Variants in CYP21A2 observed in about 807,000 individuals in gnomAD.
The protein encoded by CYP21A2 is cytochrome P450 family 21 subfamily A member 2.
A neutral mutation model predicts 47.4 loss-of-function variants in CYP21A2; 24 were observed. The observed-to-expected ratio is 0.51, with a 90% CI of 0.37 to 0.71. The LOEUF is 0.71. CYP21A2 is among the 30% of genes least tolerant of loss of function. The probability of loss-of-function intolerance (pLI) is 0.00; values close to 1 mark genes in which losing one functional copy is unlikely to be tolerated. For missense variants in CYP21A2, 358 were observed against 643.2 expected, an observed-to-expected ratio of 0.56 and a Z score of 4.80; for synonymous variants, 130 against 273.9, an observed-to-expected ratio of 0.47 and a Z score of 5.19.
rs369962334 is a variant in CYP21A2, at chr6:32,039,484, C to T, written c.549+27C>T. ...TGCCTCACAGCCCCTCAGGCCCACCCCCAGCCCCTCCCTGAGCCTCTCCTT... is the reference window on the plus strand; with the variant it reads ...TGCCTCACAGCCCCTCAGGCCCACCTCCAGCCCCTCCCTGAGCCTCTCCTT... On this transcript the variant is annotated intron_variant, in intron 4 of 9. Transcript: ENST00000644719. 2.8e-4 allele frequency: 444 copies of T among 1,574,486 alleles called. 1 individual carries two copies. In the African/African-American group the frequency reaches 5.3e-3, roughly 19 times the overall value.
At position 32,041,279 on chromosome 6, in the gene CYP21A2, G is replaced by A. The variant is rs1776356403; in HGVS notation, c.*145G>A. 1 of 766,170 alleles carries A rather than the reference G, an allele frequency of 1.3e-6. No individual in the cohort carries two copies. The highest frequency in any genetic ancestry group is 2.3e-6 in the Non-Finnish European group (1 of 436,018). 47.5% of individuals were successfully genotyped at this position (766,170 alleles called of 1,614,324 possible). A position where few individuals can be genotyped will look rare whatever the true frequency, so the allele number is the denominator to read the frequency against. ...CAGCGGCTGGGTGGTGAAGGACCCT[G>A]GCTCTTCTCTCGGGGCGACCCCTCA... On this transcript the variant is annotated 3_prime_UTR_variant, in exon 10 of 10. Transcript: ENST00000644719.
chr6:32,041,362 G>A lies in CYP21A2; in HGVS notation c.*228G>A, dbSNP rs202247763. 30 of 980,892 alleles carry A rather than the reference G, an allele frequency of 3.1e-5. No individual in the cohort carries two copies. Among genetic ancestry groups the A allele is most frequent in the East Asian group, 2.1e-4 (8 of 38,454 alleles). 60.8% of individuals were successfully genotyped at this position (980,892 alleles called of 1,614,324 possible). On this transcript the variant is annotated 3_prime_UTR_variant, in exon 10 of 10. Coordinates refer to ENST00000644719, the MANE Select transcript of CYP21A2 (RefSeq NM_000500.9). ...GTGGGCAGCAGCTCAGCCTCCCCCC[G>A]CTGGGGAGCGAAAGTTTCTTGGTCT... is the stretch of plus-strand genomic sequence containing the variant.
rs1181537610 is a variant in CYP21A2 at position 32,041,131 on chromosome 6, G to C, written c.1485G>C (p.Gln495His). The C allele has an allele frequency of 6.3e-7, 1 of 1,598,642 alleles. No homozygotes were observed. The highest frequency in any genetic ancestry group is 8.5e-7 in the Non-Finnish European group (1 of 1,173,696). The change falls in exon 10 of 10, where the codon CAG becomes CAC. Residue 495 changes from glutamine (Q) to histidine (H), a missense_variant. Gln to His is a conservative substitution (Grantham distance 24). Coordinates refer to ENST00000644719, the MANE Select transcript of CYP21A2 (RefSeq NM_000500.9). Reference sequence around the variant, plus strand: ...GGGCCCACAGCCCGGGCCAGAGCCAGTGATGGGGCAGGACCGATGCCAGCC... The same window carrying C: ...GGGCCCACAGCCCGGGCCAGAGCCACTGATGGGGCAGGACCGATGCCAGCC... Reference protein sequence around the residue: ...GMGAHSPGQSQ With the variant: ...GMGAHSPGQSH
chr6:32,038,949 T>G (rs1238103045), intron 2 of CYP21A2, 138 bp downstream of exon 2: 25 of 1,496,560 alleles, frequency 1.7e-5, no homozygotes, highest in Non-Finnish European at 2.0e-5. Context: ...GAGCCACCTT[T>G]GGGGCATCCC....
rs150804717 is a variant in CYP21A2 at position 32,040,439 on chromosome 6, G to A, written c.973G>A (p.Glu325Lys). 9.3e-6 allele frequency: 15 copies of A among 1,613,022 alleles called. No homozygotes were observed. Among genetic ancestry groups the A allele is most frequent in the East Asian group, 2.2e-5 (1 of 44,884 alleles). The change falls in exon 8 of 10, where the codon GAA (glutamate) becomes AAA (lysine). Residue 325 changes from glutamate (E) to lysine (K), a missense_variant. By Grantham distance (56) the Glu-to-Lys change is moderately conservative. Coordinates refer to ENST00000644719, the MANE Select transcript of CYP21A2 (RefSeq NM_000500.9). ...GCGACTGCAGGAGGAGCTAGACCACGAACTGGGCCCTGGTGCCTCCAGCTC... is the reference window on the plus strand; with the variant it reads ...GCGACTGCAGGAGGAGCTAGACCACAAACTGGGCCCTGGTGCCTCCAGCTC... ...QQRLQEELDHELGPGASSSRV... is the reference protein window; with the variant it reads ...QQRLQEELDHKLGPGASSSRV...
chr6:32,038,498 C>T lies in CYP21A2; in HGVS notation c.76C>T (p.Arg26Trp), dbSNP rs749346869. 2.9e-5 allele frequency: 46 copies of T among 1,597,186 alleles called. No homozygotes were observed. The highest frequency in any genetic ancestry group is 1.7e-4 in the Middle Eastern group (1 of 5,994). Residue 26 changes from arginine (R) to tryptophan (W), a missense_variant, in exon 1 of 10, where the codon CGG (arginine) becomes TGG (tryptophan). Coordinates refer to ENST00000644719, the MANE Select transcript of CYP21A2 (RefSeq NM_000500.9). ...CCTGCTGTGGAACTGGTGGAAGCTCCGGAGCCTCCACCTCCCGCCTCTTGC... is the reference window on the plus strand; with the variant it reads ...CCTGCTGTGGAACTGGTGGAAGCTCTGGAGCCTCCACCTCCCGCCTCTTGC... Reference protein sequence around the residue: ...ARLLWNWWKLRSLHLPPLAPG... With the variant: ...ARLLWNWWKLWSLHLPPLAPG...
chr6:32,040,443 T>G lies in CYP21A2; in HGVS notation c.977T>G (p.Leu326Arg). 1 of 1,613,138 alleles carries G rather than the reference T, an allele frequency of 6.2e-7. No individual in the cohort carries two copies. The highest frequency in any genetic ancestry group is 8.5e-7 in the Non-Finnish European group (1 of 1,179,802). ...CTGCAGGAGGAGCTAGACCACGAAC[T>G]GGGCCCTGGTGCCTCCAGCTCCCGG... ...QRLQEELDHE[L>R]GPGASSSRVP... The change falls in exon 8 of 10, where the codon CTG becomes CGG. Residue 326 changes from leucine to arginine, a missense_variant. Coordinates refer to ENST00000644719, the MANE Select transcript of CYP21A2 (RefSeq NM_000500.9).
Position 32,040,406 on chromosome 6 carries a change from A to C in CYP21A2, c.940A>C (p.Ile314Leu), listed in dbSNP as rs376415981. 10 of 1,612,920 alleles carry C rather than the reference A, an allele frequency of 6.2e-6. No individual in the cohort carries two copies. The highest frequency in any genetic ancestry group is 8.5e-6 in the Non-Finnish European group (10 of 1,179,804). Residue 314 changes from isoleucine (I) to leucine (L), a missense_variant and splice_region_variant, in exon 8 of 10, where the codon ATT becomes CTT. Transcript: ENST00000644719. ...AGGACTCCACCCGATCATTCCCCAG[A>C]TTCAGCAGCGACTGCAGGAGGAGCT... is the stretch of plus-strand genomic sequence containing the variant. ...AVVFLLHHPE[I>L]QQRLQEELDH...
At position 32,040,017 on chromosome 6, in the gene CYP21A2, G is replaced by A. The variant is rs1312971472; in HGVS notation, c.751G>A (p.Ala251Thr). 1 of 1,611,452 alleles carries A rather than the reference G, an allele frequency of 6.2e-7. No homozygotes were observed. The highest frequency in any genetic ancestry group is 8.5e-7 in the Non-Finnish European group (1 of 1,179,134). Residue 251 changes from alanine to threonine, a missense_variant, in exon 7 of 10, where the codon GCA becomes ACA. Ala to Thr is a moderately conservative substitution (Grantham distance 58). Transcript: ENST00000644719. ...QLRQHKESLV[A>T]GQWRDMMDYM... is the part of the protein sequence containing the mutation. ...TCACCCTCTGCAGGAGAGCCTCGTG[G>A]CAGGCCAGTGGAGGGACATGATGGA...
intron 2 of CYP21A2, 129 bp from the exon 3 acceptor site, chr6:32,038,965 C>CAGGT (rs1280816549): frequency 2.0e-6 from 3 of 1,526,118 alleles, no homozygotes; most frequent in Non-Finnish European, 2.7e-6. Flanking sequence ...ATCCCCAATC[C>CAGGT]AGGTCCCTGG....
In CYP21A2 at chr6:32,041,425, C is replaced by T; in HGVS notation, c.*291C>T. On this transcript the variant is annotated 3_prime_UTR_variant, in exon 10 of 10. Coordinates refer to ENST00000644719, the MANE Select transcript of CYP21A2 (RefSeq NM_000500.9). ...CGTGAAGGGCACCGAGAACTCGAAG[C>T]CCTTCCAGTGGTACCAGCTCACTCC... 1.0e-6 allele frequency: 1 copy of T among 965,834 alleles called. No homozygotes were observed. Among genetic ancestry groups the T allele is most frequent in the Non-Finnish European group, 1.6e-6 (1 of 615,598 alleles). 59.8% of individuals were successfully genotyped at this position (965,834 alleles called of 1,614,324 possible).
At position 32,039,213 on chromosome 6, in the gene CYP21A2, C is replaced by G; in HGVS notation, c.412C>G (p.Pro138Ala). Residue 138 changes from proline to alanine, a missense_variant, in exon 3 of 10, where the codon CCA becomes GCA. Transcript: ENST00000644719. ...LLLGIRDSME[P>A]VVEQLTQEFC... The stretch of plus-strand genomic sequence containing the variant: ...GCTGGGCATCCGTGACTCCATGGAG[C>G]CAGTGGTGGAGCAGCTGACCCAGGA... 1 of 1,590,524 alleles carries G rather than the reference C, an allele frequency of 6.3e-7. No homozygotes were observed. Among genetic ancestry groups the G allele is most frequent in the East Asian group, 2.3e-5 (1 of 43,808 alleles).
At position 32,041,136 on chromosome 6, in the gene CYP21A2, G is replaced by A. The variant is rs1182749183; in HGVS notation, c.*2G>A. On this transcript the variant is annotated 3_prime_UTR_variant, in exon 10 of 10. Transcript: ENST00000644719. ...CACAGCCCGGGCCAGAGCCAGTGAT[G>A]GGGCAGGACCGATGCCAGCCGGGTA... 2 of 1,596,842 alleles carry A rather than the reference G, an allele frequency of 1.3e-6. No individual in the cohort carries two copies. Among genetic ancestry groups the A allele is most frequent in the Admixed American group, 1.7e-5 (1 of 59,738 alleles).
At position 32,040,216 on chromosome 6, in the gene CYP21A2, G is replaced by C. The variant is rs6442; in HGVS notation, c.939+11G>C. The C allele has an allele frequency of 7.6e-3, 12,311 of 1,609,538 alleles. 371 individuals are homozygous for C. The East Asian group carries it at 0.11, about 14-fold the overall frequency. The stretch of plus-strand genomic sequence containing the variant: ...CTTCACCACCCTGAGGTGCGTCCTG[G>C]GGACAAGCAAAAGGCTCCTTCCCAG... On this transcript the variant is annotated intron_variant, in intron 7 of 9. Coordinates refer to ENST00000644719, the MANE Select transcript of CYP21A2 (RefSeq NM_000500.9).
Position 32,039,847 on chromosome 6 carries a change from A to G in CYP21A2, c.738+12A>G, listed in dbSNP as rs6458. On this transcript the variant is annotated intron_variant, in intron 6 of 9. Coordinates refer to ENST00000644719, the MANE Select transcript of CYP21A2 (RefSeq NM_000500.9). ...TGAGGCAGCACAAGGTGGGGACTGT[A>G]CGTGGACGGCCTCCCCTCGGCCCAC... The G allele has an allele frequency of 0.12, 188,961 of 1,603,274 alleles. 12,221 individuals carry two copies. Among genetic ancestry groups the G allele is most frequent in the South Asian group, 0.24 (21,374 of 88,966 alleles).
chr6:32,039,817 G>A lies in CYP21A2; in HGVS notation c.720G>A (p.Met240Ile), dbSNP rs1776149999. The change falls in exon 6 of 10, where the codon ATG (methionine) becomes ATA (isoleucine). Residue 240 changes from methionine to isoleucine, a missense_variant. Met to Ile is a conservative substitution (Grantham distance 10). Transcript: ENST00000644719. Reference sequence around the variant, plus strand: ...AGAAGAGGGATCACATCGTGGAGATGCAGCTGAGGCAGCACAAGGTGGGGA... The same window carrying A: ...AGAAGAGGGATCACATCGTGGAGATACAGCTGAGGCAGCACAAGGTGGGGA... Reference protein sequence around the residue: ...AIEKRDHIVEMQLRQHKESLV... With the variant: ...AIEKRDHIVEIQLRQHKESLV... 6.2e-7 allele frequency: 1 copy of A among 1,613,810 alleles called. No individual in the cohort carries two copies. Among genetic ancestry groups the A allele is most frequent in the Non-Finnish European group, 8.5e-7 (1 of 1,179,916 alleles).
At position 32,039,526 on chromosome 6, in the gene CYP21A2, A is replaced by G. The variant is rs1451188848; in HGVS notation, c.550-20A>G. On this transcript the variant is annotated intron_variant, in intron 4 of 9. Coordinates refer to ENST00000644719, the MANE Select transcript of CYP21A2 (RefSeq NM_000500.9). ...CCTCTCCTTGTCCTGAACTGAAAGT[A>G]CTCCCTCCTTTTCTGGCAGGACGAC... is the stretch of plus-strand genomic sequence containing the variant. 5.7e-6 allele frequency: 9 copies of G among 1,579,946 alleles called. No individual in the cohort carries two copies. The highest frequency in any genetic ancestry group is 7.7e-6 in the Non-Finnish European group (9 of 1,161,792).
Position 32,039,126 on chromosome 6 carries a change from T to C in CYP21A2, c.325T>C (p.Ser109Pro), listed in dbSNP as rs761777118. 3 of 1,605,580 alleles carry C rather than the reference T, an allele frequency of 1.9e-6. No homozygotes were observed. Among genetic ancestry groups the C allele is most frequent in the Non-Finnish European group, 2.6e-6 (3 of 1,175,694 alleles). ...KLVSRNYPDL[S>P]LGDYSLLWKA... The stretch of plus-strand genomic sequence containing the variant: ...GGTGTCTAGGAACTACCCGGACCTG[T>C]CCTTGGGAGACTACTCCCTGCTCTG... Residue 109 changes from serine to proline, a missense_variant, in exon 3 of 10, where the codon TCC (serine) becomes CCC (proline). Transcript: ENST00000644719.
intron 2 of CYP21A2, 79 bp downstream of exon 2, chr6:32,038,890 G>C: frequency 7.3e-7 from 1 of 1,370,796 alleles, no homozygotes; most frequent in Non-Finnish European, 1.0e-6. Context: ...GCCCAGGCTG[G>C]TCTTAAATTC....
Sources: gnomAD v4.1 joint callset for allele counts on GRCh38, gnomAD v4.1.1 for gene constraint, MANE v1.5 for transcripts, NCBI Gene and HGNC (gene_info 2026-07-23, HGNC 2026-07-21) for gene names.